The following MAGI1 variants were observed in gnomAD, a reference collection of about 807,000 sequenced individuals.
MAGI1 encodes the protein membrane associated guanylate kinase, WW and PDZ domain containing 1, also known as membrane-associated guanylate kinase, WW and PDZ domain-containing protein 1.
A neutral mutation model predicts 139.9 loss-of-function variants in MAGI1; 58 were observed. The ratio of observed to expected loss-of-function variants is 0.41; its 90% CI spans 0.34 to 0.52. MAGI1 has a LOEUF of 0.52. Among genes scored for constraint, MAGI1 ranks in the 20% least tolerant of loss-of-function variants. MAGI1 has a pLI of 0.12. For synonymous variants in MAGI1, 812 were observed against 737.9 expected, an observed-to-expected ratio of 1.10 and a Z score of -1.63; for missense variants, 1,874 against 1,901.6, an observed-to-expected ratio of 0.99 and a Z score of 0.27.
chr3:65,855,401 C>A (rs1258487433), intron 1 of MAGI1, among the ~76,000 whole-genome samples: 1 of 150,872 alleles, frequency 6.6e-6, no homozygotes, highest in Non-Finnish European at 1.5e-5. Flanking sequence ...CAAGCTAAGA[C>A]CCCCATCTCT....
chr3:65,910,270 T>G (rs1434087578), intron 1 of MAGI1, among the ~76,000 whole-genome samples: 2 of 152,220 alleles, frequency 1.3e-5, no homozygotes, highest in East Asian at 1.9e-4. Context: ...GTACTTTTGT[T>G]AAGAGATAGA....
intron 2 of MAGI1, among the ~76,000 whole-genome samples, chr3:65,592,796 T>C (rs909461913): frequency 6.6e-6 from 1 of 152,162 alleles, no homozygotes; most frequent in African/African-American, 2.4e-5. Flanking sequence ...AACCCAACTT[T>C]TGTTTTGCCA....
intron 1 of MAGI1, among the ~76,000 whole-genome samples, chr3:66,004,727 C>G (rs2066924274): frequency 6.6e-6 from 1 of 152,184 alleles, no homozygotes; most frequent in Non-Finnish European, 1.5e-5. Context: ...AGACAAACCA[C>G]TGATAGATGA....
chr3:65,708,763 T>C (rs2030842727), intron 1 of MAGI1, among the ~76,000 whole-genome samples: 1 of 152,180 alleles, frequency 6.6e-6, no homozygotes, highest in African/African-American at 2.4e-5. Context: ...TTATATCTCT[T>C]CTGGTGGCTT....
intron 2 of MAGI1, among the ~76,000 whole-genome samples, chr3:65,608,939 C>T (rs1458226807): frequency 6.6e-6 from 1 of 152,174 alleles, no homozygotes; most frequent in Non-Finnish European, 1.5e-5. Context: ...TACATTCAAA[C>T]TACATGGATG....
chr3:65,633,591 G>A (rs184040811), intron 1 of MAGI1, among the ~76,000 whole-genome samples: 9 of 151,994 alleles, frequency 5.9e-5, no homozygotes, highest in Non-Finnish European at 1.2e-4. Context: ...ATTTCATCCC[G>A]CAGTGAGAAA....
At chr3:65,786,447 C>T (rs551085503) in intron 1 of MAGI1, among the ~76,000 whole-genome samples, 6 of 151,918 alleles carry the variant, frequency 3.9e-5, no homozygotes, top group African/African-American at 1.4e-4. Flanking sequence ...GCTGGGTCTA[C>T]AGGCATGCGC....
intron 2 of MAGI1, among the ~76,000 whole-genome samples, chr3:65,502,190 A>C (rs1217765255): frequency 6.6e-6 from 1 of 152,214 alleles, no homozygotes; most frequent in Non-Finnish European, 1.5e-5. Flanking sequence ...ATTTAGCTTT[A>C]CCTCAAATGG....
intron 1 of MAGI1, among the ~76,000 whole-genome samples, chr3:65,931,248 T>A (rs2062794437): frequency 6.6e-6 from 1 of 152,164 alleles, no homozygotes; most frequent in African/African-American, 2.4e-5. Flanking sequence ...TTAGCCAGGA[T>A]GGTCTCAATC....
chr3:66,027,221 T>TCGCAC (rs2068323444), intron 1 of MAGI1, among the ~76,000 whole-genome samples: 1 of 151,408 alleles, frequency 6.6e-6, no homozygotes, highest in African/African-American at 2.4e-5. Context: ...CGAGCCAAGA[T>TCGCAC]CGCACCACTG....
intron 17 of MAGI1, among the ~76,000 whole-genome samples, chr3:65,377,712 A>G (rs1240795644): frequency 6.6e-6 from 1 of 152,170 alleles, no homozygotes; most frequent in African/African-American, 2.4e-5. Flanking sequence ...AAACCAAAAA[A>G]CCTTGCTTTG....
At chr3:65,886,047 T>C (rs1001281088) in intron 1 of MAGI1, among the ~76,000 whole-genome samples, 2 of 152,208 alleles carry the variant, frequency 1.3e-5, no homozygotes, top group African/African-American at 4.8e-5. Flanking sequence ...CAAACAAGTA[T>C]AACTGAAAGC....
intron 1 of MAGI1, among the ~76,000 whole-genome samples, chr3:66,011,497 G>A (rs780701269): frequency 2.0e-5 from 3 of 151,944 alleles, no homozygotes; most frequent in South Asian, 2.1e-4. Context: ...TATGCCACCC[G>A]CCTCCAGGAT....
intron 3 of MAGI1, among the ~76,000 whole-genome samples, chr3:65,485,459 TA>T (rs1951566222): frequency 6.6e-6 from 1 of 152,136 alleles, no homozygotes; most frequent in Non-Finnish European, 1.5e-5. Context: ...TCACACAGTA[TA>T]AAGACAAAAA....
intron 1 of MAGI1, among the ~76,000 whole-genome samples, chr3:66,013,338 G>A (rs2067434338): frequency 6.6e-6 from 1 of 151,278 alleles, no homozygotes; most frequent in Non-Finnish European, 1.5e-5. Context: ...AGGTGGCAGA[G>A]GTTGCAGTGA....
chr3:65,655,455 A>G (rs1047577945), intron 1 of MAGI1, among the ~76,000 whole-genome samples: 4 of 152,198 alleles, frequency 2.6e-5, no homozygotes, highest in African/African-American at 9.6e-5. Context: ...GACAAAATAA[A>G]GAGCTCTTCT....
At chr3:65,485,018 C>T (rs1182242505) in intron 3 of MAGI1, among the ~76,000 whole-genome samples, 6 of 152,132 alleles carry the variant, frequency 3.9e-5, no homozygotes, top group Admixed American at 6.5e-5. Context: ...TACCATTACC[C>T]GGTAATTCAC....
intron 2 of MAGI1, among the ~76,000 whole-genome samples, chr3:65,617,596 G>A (rs1176957143): frequency 1.3e-5 from 2 of 152,074 alleles, no homozygotes; most frequent in Non-Finnish European, 2.9e-5. Context: ...AAGCTCATGG[G>A]AGCTTTGACA....
chr3:65,694,462 T>A (rs1033420829), intron 1 of MAGI1, among the ~76,000 whole-genome samples: 6 of 152,190 alleles, frequency 3.9e-5, no homozygotes, highest in Non-Finnish European at 7.3e-5. Flanking sequence ...TGAAGTGTTC[T>A]CATCACCACC....
Sources: allele counts gnomAD v4.1 joint callset (sites outside exome capture counted in the v4.1 genomes callset), GRCh38; gene constraint gnomAD v4.1.1; transcripts MANE v1.5; gene names NCBI Gene and HGNC (gene_info 2026-07-23, HGNC 2026-07-21).